PPM1H: variants seen among roughly 807,000 people sequenced by gnomAD.
PPM1H encodes protein phosphatase, Mg2+/Mn2+ dependent 1H.
Under a neutral mutation model 54.9 loss-of-function variants are expected in PPM1H, and 27 were observed. That is an observed-to-expected ratio of 0.49 (90% CI 0.36 to 0.68). The LOEUF is 0.68. Ranked by LOEUF, PPM1H falls within the 30% of genes least tolerant of loss-of-function variation. The pLI is 0.00. For missense variants in PPM1H, 596 were observed against 667.8 expected (o/e 0.89, Z 1.19); for synonymous variants, 305 against 270.8 (o/e 1.13, Z -1.24).
intron 9 of PPM1H, among the ~76,000 whole-genome samples, chr12:62,663,646 A>G (rs989528486): frequency 2.0e-5 from 3 of 152,314 alleles, no homozygotes; most frequent in Admixed American, 1.3e-4. Flanking sequence ...TACTGATTCT[A>G]TGGATCAATT....
At chr12:62,816,575 G>C (rs781442253) in intron 2 of PPM1H, among the ~76,000 whole-genome samples, 5 of 152,108 alleles carry the variant, frequency 3.3e-5, no homozygotes, top group Non-Finnish European at 5.9e-5. Context: ...TATGCAAATA[G>C]TCCAAAATCT....
At chr12:62,765,685 A>ATCAGT (rs2076538319) in intron 4 of PPM1H, among the ~76,000 whole-genome samples, 3 of 152,196 alleles carry the variant, frequency 2.0e-5, no homozygotes, top group African/African-American at 7.2e-5. Context: ...AATAGAGGGG[A>ATCAGT]GACCCTTGGG....
intron 1 of PPM1H, among the ~76,000 whole-genome samples, chr12:62,900,263 T>C (rs757647998): frequency 2.6e-5 from 4 of 152,030 alleles, no homozygotes; most frequent in Non-Finnish European, 4.4e-5. Flanking sequence ...GAACATGCGG[T>C]GTTTGGTTTT....
chr12:62,892,770 AT>A (rs1296519709), intron 1 of PPM1H, among the ~76,000 whole-genome samples: 2 of 152,230 alleles, frequency 1.3e-5, no homozygotes, highest in Non-Finnish European at 2.9e-5. Flanking sequence ...CAGTAAATAC[AT>A]CCTGATTTCA....
chr12:62,812,742 T>C (rs1294204027), intron 2 of PPM1H, among the ~76,000 whole-genome samples: 3 of 150,858 alleles, frequency 2.0e-5, no homozygotes, highest in African/African-American at 7.3e-5. Context: ...TTTTTAATAA[T>C]TTTATTTTCT....
chr12:62,820,280 C>T (rs1174366568), intron 2 of PPM1H, among the ~76,000 whole-genome samples: 2 of 152,236 alleles, frequency 1.3e-5, no homozygotes, highest in Non-Finnish European at 2.9e-5. Context: ...CCCACCACAG[C>T]TCTGCAAGGC....
At chr12:62,830,865 C>A (rs1332602926) in intron 2 of PPM1H, among the ~76,000 whole-genome samples, 1 of 152,010 alleles carries the variant, frequency 6.6e-6, no homozygotes, top group Non-Finnish European at 1.5e-5. Context: ...TTTTCTTTTT[C>A]TCTTTTTGAG....
intron 3 of PPM1H, among the ~76,000 whole-genome samples, chr12:62,792,419 T>C (rs1261654911): frequency 7.9e-5 from 12 of 152,254 alleles, no homozygotes; most frequent in African/African-American, 2.9e-4. Context: ...TTGGCAGCAC[T>C]TTCTCATAAA....
intron 1 of PPM1H, among the ~76,000 whole-genome samples, chr12:62,914,287 A>C (rs1871552987): frequency 6.6e-6 from 1 of 152,128 alleles, no homozygotes; most frequent in Non-Finnish European, 1.5e-5. Flanking sequence ...GCCTTCAACC[A>C]TGAGTGGAAG....
In PPM1H at chr12:62,859,954, A is replaced by C. The variant is rs535995209; in HGVS notation, c.246-27675T>G. On this transcript the variant is annotated intron_variant, in intron 1 of 9. Coordinates refer to ENST00000228705, the MANE Select transcript of PPM1H (RefSeq NM_020700.2). ...AGAACATTATAAACCCAAGAGGCTG[A>C]AAGAGAAAGTAGGCATGTGTGCTTG... Among the ~76,000 whole-genome samples the C allele has an allele frequency of 6.6e-5, 10 of 152,332 alleles. No individual in the cohort carries two copies. In the South Asian group the frequency reaches 2.1e-3, roughly 32 times the overall value.
At chr12:62,700,670 G>T (rs2076139189) in intron 6 of PPM1H, among the ~76,000 whole-genome samples, 1 of 152,142 alleles carries the variant, frequency 6.6e-6, no homozygotes, top group Non-Finnish European at 1.5e-5. Flanking sequence ...AATGATCTAG[G>T]CAAGAGGCGA....
rs181033815 is a variant in PPM1H at position 62,667,473 on chromosome 12, G to A, written c.1246-144C>T. 30 of 719,976 alleles carry A rather than the reference G, an allele frequency of 4.2e-5. No homozygotes were observed. The Admixed American group carries it at 6.5e-4, about 16-fold the overall frequency. 44.6% of individuals were successfully genotyped at this position (719,976 alleles called of 1,614,324 possible). A position where few individuals can be genotyped will look rare whatever the true frequency, so the allele number is the denominator to read the frequency against. The stretch of plus-strand genomic sequence containing the variant: ...ATTGTAGGGTACTTGATTATACAGC[G>A]AGCTGTGTGGCCAGGGATAGTCTCC... On this transcript the variant is annotated intron_variant, in intron 8 of 9. Coordinates refer to ENST00000228705, the MANE Select transcript of PPM1H (RefSeq NM_020700.2).
intron 1 of PPM1H, among the ~76,000 whole-genome samples, chr12:62,843,437 A>G (rs150816074): frequency 2.6e-5 from 4 of 152,234 alleles, no homozygotes; most frequent in African/African-American, 7.2e-5. Flanking sequence ...GGCCAAATCA[A>G]TGTCATATGC....
In PPM1H at chr12:62,648,307, CT is replaced by C; in HGVS notation, c.*181del. On this transcript the variant is annotated 3_prime_UTR_variant, in exon 10 of 10. Transcript: ENST00000228705. ...TTGCTCTTGTTGAGTTGACCTGTTA[CT>C]AAAGAAGAAATGGAAACCAAAGGGT... 1.5e-6 allele frequency: 1 copy of C among 689,368 alleles called. No homozygotes were observed. The highest frequency in any genetic ancestry group is 1.8e-5 in the African/African-American group (1 of 55,776). The allele number at this position is 689,368 out of a possible 1,614,324, so 42.7% of individuals were successfully genotyped here.
intron 3 of PPM1H, among the ~76,000 whole-genome samples, chr12:62,792,661 C>G (rs2076707162): frequency 6.6e-6 from 1 of 152,184 alleles, no homozygotes; most frequent in African/African-American, 2.4e-5. Flanking sequence ...ACACACTCTT[C>G]TATTTCTTCT....
chr12:62,907,821 A>C (rs1375526783), intron 1 of PPM1H, among the ~76,000 whole-genome samples: 3 of 152,148 alleles, frequency 2.0e-5, no homozygotes, highest in African/African-American at 7.2e-5. Flanking sequence ...GGTGCCTAAC[A>C]ACCAATGCAG....
intron 9 of PPM1H, among the ~76,000 whole-genome samples, chr12:62,658,274 A>C (rs1348316029): frequency 6.9e-6 from 1 of 145,824 alleles, no homozygotes; most frequent in Non-Finnish European, 1.5e-5. Context: ...CAAAGCCTGC[A>C]CAGTTTTGCC....
intron 4 of PPM1H, among the ~76,000 whole-genome samples, chr12:62,739,023 G>A (rs893782743): frequency 2.0e-5 from 3 of 151,820 alleles, no homozygotes; most frequent in African/African-American, 7.3e-5. Flanking sequence ...GCGCATCCAG[G>A]AAGGGAAGGA....
chr12:62,871,069 G>A (rs1013628120), intron 1 of PPM1H, among the ~76,000 whole-genome samples: 2 of 152,126 alleles, frequency 1.3e-5, no homozygotes, highest in African/African-American at 4.8e-5. Flanking sequence ...ATGTACCCAA[G>A]AGAACTGAAA....
Sources: gnomAD v4.1 joint callset for allele counts (sites outside exome capture counted in the v4.1 genomes callset) on GRCh38, gnomAD v4.1.1 for gene constraint, MANE v1.5 for transcripts, NCBI Gene and HGNC (gene_info 2026-07-23, HGNC 2026-07-21) for gene names.